Variants in ARHGAP26 observed in about 807,000 individuals in gnomAD.
The protein encoded by ARHGAP26 is rho GTPase-activating protein 26.
Under a neutral mutation model 104.8 loss-of-function variants are expected in ARHGAP26, and 38 were observed. The observed-to-expected ratio is 0.36, with a 90% CI of 0.28 to 0.48. The LOEUF is 0.48. Ranked by LOEUF, ARHGAP26 falls within the 20% of genes least tolerant of loss-of-function variation. The pLI, the probability that ARHGAP26 is intolerant of heterozygous loss-of-function variation, is 0.99. For synonymous variants in ARHGAP26, 341 were observed against 340.0 expected, an observed-to-expected ratio of 1.00 and a Z score of -0.03; for missense variants, 704 against 947.9, an observed-to-expected ratio of 0.74 and a Z score of 3.38.
At chr5:143,051,629 T>G (rs1230374351) in intron 14 of ARHGAP26, among the ~76,000 whole-genome samples, 1 of 152,194 alleles carries the variant, frequency 6.6e-6, no homozygotes, top group African/African-American at 2.4e-5. Context: ...TCAACTTAGC[T>G]TGGATTTTAA....
rs79828359 is a variant in ARHGAP26, at chr5:142,790,534, C to T, written c.154+19619C>T. Among the ~76,000 whole-genome samples the T allele has an allele frequency of 9.7e-3, 1,474 of 152,302 alleles. 31 individuals carry two copies. Among genetic ancestry groups the T allele is most frequent in the African/African-American group, 0.034 (1,401 of 41,556 alleles). On this transcript the variant is annotated intron_variant, in intron 1 of 22. Transcript: ENST00000645722. ...TCATAAACCTTATTCCACTCTTTCT[C>T]ATCCAGAATTTCCCAGTGGCTTCCC...
At chr5:142,816,234 G>A (rs150337198) in intron 1 of ARHGAP26, among the ~76,000 whole-genome samples, 1 of 152,306 alleles carries the variant, frequency 6.6e-6, no homozygotes, top group African/African-American at 2.4e-5. Context: ...TAGGAACCAT[G>A]TCTTTTTTTG....
Position 142,890,202 on chromosome 5 carries a change from G to A in ARHGAP26, c.487-4036G>A, listed in dbSNP as rs367586056. ...TATATATATATATATATATATGAAA[G>A]TGCATTGCATTTAACCATTATAAAT... On this transcript the variant is annotated intron_variant, in intron 5 of 22. Transcript: ENST00000645722. Among the ~76,000 whole-genome samples the A allele has an allele frequency of 6.1e-5, 6 of 98,754 alleles. No individual in the cohort carries two copies. In the East Asian group the frequency reaches 1.2e-3, roughly 20 times the overall value. 64.8% of individuals were successfully genotyped at this position (98,754 alleles called of 152,430 possible). A position where few individuals can be genotyped will look rare whatever the true frequency, so the allele number is the denominator to read the frequency against.
At chr5:142,814,266 T>C (rs1764683131) in intron 1 of ARHGAP26, among the ~76,000 whole-genome samples, 1 of 152,230 alleles carries the variant, frequency 6.6e-6, no homozygotes, top group Non-Finnish European at 1.5e-5. Context: ...AGCCTTCCGG[T>C]AATCTGCAAC....
chr5:142,938,039 C>A (rs1765699841), intron 11 of ARHGAP26, among the ~76,000 whole-genome samples: 1 of 151,952 alleles, frequency 6.6e-6, no homozygotes, highest in Non-Finnish European at 1.5e-5. Context: ...CTGTACAATC[C>A]TACATACACA....
At chr5:142,936,370 A>G (rs1314265659) in intron 11 of ARHGAP26, among the ~76,000 whole-genome samples, 1 of 152,166 alleles carries the variant, frequency 6.6e-6, no homozygotes, top group African/African-American at 2.4e-5. Context: ...CTGCTGCTGA[A>G]AGAAACTAAA....
chr5:143,199,219 C>T (rs1014607510), intron 20 of ARHGAP26, among the ~76,000 whole-genome samples: 7 of 152,136 alleles, frequency 4.6e-5, no homozygotes, highest in Admixed American at 4.6e-4. Flanking sequence ...AGCTCAGGGA[C>T]TTGTGGATTT....
At chr5:142,812,279 G>T (rs1009683563) in intron 1 of ARHGAP26, among the ~76,000 whole-genome samples, 21 of 152,006 alleles carry the variant, frequency 1.4e-4, no homozygotes, top group African/African-American at 5.1e-4. Context: ...TTAGAGCTGG[G>T]GTCTCACTCT....
intron 13 of ARHGAP26, among the ~76,000 whole-genome samples, chr5:143,040,546 T>A (rs1444538863): frequency 1.3e-5 from 2 of 152,264 alleles, no homozygotes; most frequent in East Asian, 3.9e-4. Context: ...TACATTCTAT[T>A]GAGAATGTAA....
In ARHGAP26 at chr5:143,134,035, T is replaced by C. The variant is rs1188698233; in HGVS notation, c.1767T>C (p.Ser589=). The C allele has an allele frequency of 5.0e-6, 8 of 1,612,924 alleles. No individual in the cohort carries two copies. Among genetic ancestry groups the C allele is most frequent in the Non-Finnish European group, 6.8e-6 (8 of 1,179,546 alleles). Residue 589 remains serine, a synonymous_variant, in exon 19 of 23, where the codon AGT becomes AGC. Transcript: ENST00000645722. ...AQLHLSRKKS[S]DSKPPSCSER... is the part of the protein sequence containing the mutation. ...TGCACCTGTCTCGGAAGAAGAGCAG[T>C]GACTCCAAGCCCCCGTCCTGCAGCG...
Position 142,932,086 on chromosome 5 carries a change from C to T in ARHGAP26, c.1068C>T (p.Asp356=), listed in dbSNP as rs1353621169. 1.9e-6 allele frequency: 3 copies of T among 1,613,962 alleles called. No homozygotes were observed. The highest frequency in any genetic ancestry group is 2.5e-6 in the Non-Finnish European group (3 of 1,179,978). Residue 356 remains aspartate, a synonymous_variant, in exon 11 of 23, where the codon GAC becomes GAT. Coordinates refer to ENST00000645722, the MANE Select transcript of ARHGAP26 (RefSeq NM_001135608.3). The part of the protein sequence containing the change: ...VITMQALSEE[D]RRLWMEAMDG... ...CCATGCAAGCTTTGTCGGAAGAGGA[C>T]CGGAGGCTCTGGATGGAAGCCATGG... is the stretch of plus-strand genomic sequence containing the variant.
At chr5:142,987,411 T>A (rs1774920268) in intron 11 of ARHGAP26, among the ~76,000 whole-genome samples, 1 of 152,202 alleles carries the variant, frequency 6.6e-6, no homozygotes. Flanking sequence ...AGGATGGGGT[T>A]TTCTAAATAT....
chr5:143,118,851 A>C (rs1271082084), intron 17 of ARHGAP26, among the ~76,000 whole-genome samples: 1 of 151,944 alleles, frequency 6.6e-6, no homozygotes, highest in African/African-American at 2.4e-5. Flanking sequence ...ATGACGAGTT[A>C]ATGGGTGCAG....
chr5:142,900,081 G>A (rs1430404960), intron 6 of ARHGAP26, among the ~76,000 whole-genome samples: 1 of 152,186 alleles, frequency 6.6e-6, no homozygotes, highest in African/African-American at 2.4e-5. Context: ...ATGGGGCAGG[G>A]CATTTGCAGA....
chr5:143,040,752 C>T (rs1783339743), intron 13 of ARHGAP26, among the ~76,000 whole-genome samples: 1 of 152,172 alleles, frequency 6.6e-6, no homozygotes, highest in East Asian at 1.9e-4. Context: ...GAGGAAACAG[C>T]TGGAGCAAAG....
intron 20 of ARHGAP26, among the ~76,000 whole-genome samples, chr5:143,195,595 T>G (rs1254920565): frequency 6.6e-6 from 1 of 152,150 alleles, no homozygotes; most frequent in Non-Finnish European, 1.5e-5. Context: ...GACCATTGAT[T>G]TACTGTAATA....
At chr5:143,218,707 GC>G (rs1283943816) in intron 22 of ARHGAP26, among the ~76,000 whole-genome samples, 1 of 152,198 alleles carries the variant, frequency 6.6e-6, no homozygotes, top group East Asian at 1.9e-4. Context: ...GCAGCTTGTG[GC>G]AACACCTTTT....
rs77853475 is a variant in ARHGAP26, at chr5:142,905,674, A to T, written c.832+2005A>T. ...CTTCAGTAGTGAGTATTTTCTAAGA[A>T]TAAAAGATATTCTTTTTATGTAAAC... On this transcript the variant is annotated intron_variant, in intron 8 of 22. Transcript: ENST00000645722. Among the ~76,000 whole-genome samples the T allele has an allele frequency of 4.6e-5, 7 of 152,362 alleles. No homozygotes were observed. The East Asian group carries it at 1.3e-3, about 29-fold the overall frequency.
intron 4 of ARHGAP26, among the ~76,000 whole-genome samples, chr5:142,883,538 T>C (rs1184962672): frequency 6.6e-6 from 1 of 152,248 alleles, no homozygotes; most frequent in Non-Finnish European, 1.5e-5. Context: ...GGATATATGG[T>C]TATTCTGCCC....
Sources: allele counts gnomAD v4.1 joint callset (sites outside exome capture counted in the v4.1 genomes callset), GRCh38; gene constraint gnomAD v4.1.1; transcripts MANE v1.5; gene names NCBI Gene and HGNC (gene_info 2026-07-23, HGNC 2026-07-21).